Variants in ITIH5 observed in about 807,000 individuals in gnomAD.
ITIH5 encodes the protein inter-alpha-trypsin inhibitor heavy chain 5, also known as inter-alpha-trypsin inhibitor heavy chain H5.
In ITIH5, 65 loss-of-function variants were observed where a neutral mutation model predicts 77.5. The observed-to-expected ratio is 0.84, with a 90% CI of 0.69 to 1.03. The LOEUF (loss-of-function observed/expected upper bound fraction) is 1.03, where lower values mean the gene tolerates loss of function less well. ITIH5 is among the 50% of genes least tolerant of loss of function. The pLI, the probability that ITIH5 is intolerant of heterozygous loss-of-function variation, is 0.00. For missense variants in ITIH5, 1,208 were observed against 1,213.1 expected, an observed-to-expected ratio of 1.00 and a Z score of 0.06; for synonymous variants, 525 against 494.3, an observed-to-expected ratio of 1.06 and a Z score of -0.82.
At chr10:7,656,769 G>A (rs780902271) in intron 1 of ITIH5, among the ~76,000 whole-genome samples, 7 of 142,842 alleles carry the variant, frequency 4.9e-5, no homozygotes, top group South Asian at 2.2e-4. Context: ...TTTTTGAGAC[G>A]GTCTCGCTCT....
chr10:7,643,463 G>A (rs1057286565), intron 2 of ITIH5, among the ~76,000 whole-genome samples: 7 of 152,146 alleles, frequency 4.6e-5, no homozygotes, highest in African/African-American at 7.2e-5. Flanking sequence ...ACTTGAACCC[G>A]ATCCCACTTA....
rs137963563 is a variant in ITIH5, at chr10:7,636,570, T to C, written c.652+658A>G. On this transcript the variant is annotated intron_variant, in intron 5 of 13. Transcript: ENST00000397146. Reference sequence around the variant, plus strand: ...AATCGTAATTTACTAATCTCTTCCATATAATTGAATCTTTAGGCTGATGGA... The same window carrying C: ...AATCGTAATTTACTAATCTCTTCCACATAATTGAATCTTTAGGCTGATGGA... Among the ~76,000 whole-genome samples, 323 of 152,332 alleles carry C rather than the reference T, an allele frequency of 2.1e-3. 3 individuals are homozygous for C. The highest frequency in any genetic ancestry group is 0.014 in the Middle Eastern group (4 of 294).
chr10:7,576,740 C>T lies in ITIH5; in HGVS notation c.1691G>A (p.Gly564Asp), dbSNP rs376074183. ...KDVTGSPRPG[G>D]DGEGDTNHIE... The stretch of plus-strand genomic sequence containing the variant: ...GTGGTTGGTGTCCCCCTCTCCATCG[C>T]CTCCAGGCCTGGGGCTTCCTGTGAC... Residue 564 changes from glycine to aspartate, a missense_variant, in exon 10 of 14, where the codon GGC becomes GAC. By Grantham distance (94) the Gly-to-Asp change is moderately conservative. Coordinates refer to ENST00000397146, the MANE Select transcript of ITIH5 (RefSeq NM_030569.7). The T allele has an allele frequency of 5.0e-6, 8 of 1,613,870 alleles. No homozygotes were observed. Among genetic ancestry groups the T allele is most frequent in the Non-Finnish European group, 5.9e-6 (7 of 1,179,964 alleles).
chr10:7,662,364 A>G (rs1030832263), intron 1 of ITIH5, among the ~76,000 whole-genome samples: 3 of 152,052 alleles, frequency 2.0e-5, no homozygotes, highest in African/African-American at 7.2e-5. Flanking sequence ...CAAAAAAAAA[A>G]AGAGAGAGAG....
intron 1 of ITIH5, among the ~76,000 whole-genome samples, chr10:7,664,243 T>C (rs984310684): frequency 4.6e-5 from 7 of 151,698 alleles, no homozygotes; most frequent in African/African-American, 1.7e-4. Flanking sequence ...CTATTAAAAA[T>C]ACAAAAATTA....
rs144056868 is a variant in ITIH5 at position 7,566,107 on chromosome 10, G to A, written c.2450C>T (p.Ala817Val). Residue 817 changes from alanine (A) to valine (V), a missense_variant, in exon 13 of 14, where the codon GCG becomes GTG. Ala to Val is a moderately conservative substitution (Grantham distance 64). Transcript: ENST00000397146. ...VILIHLYKKP[A>V]PFQRHHLGFY... ...ACCCAGGTGGTGTCGCTGGAAGGGC[G>A]CCGGCTTTTTGTAGAGGTGGATGAG... The A allele has an allele frequency of 1.7e-5, 28 of 1,613,988 alleles. No homozygotes were observed. The highest frequency in any genetic ancestry group is 6.7e-5 in the East Asian group (3 of 44,896).
At chr10:7,634,955 TTTTA>T (rs1232547363) in intron 5 of ITIH5, among the ~76,000 whole-genome samples, 1 of 152,324 alleles carries the variant, frequency 6.6e-6, no homozygotes, top group African/African-American at 2.4e-5. Flanking sequence ...TTGCTTTTCT[TTTTA>T]TTTATTTATC....
chr10:7,570,414 G>T (rs552021462), intron 11 of ITIH5: 3 of 152,220 alleles, frequency 2.0e-5, no homozygotes, highest in Admixed American at 2.0e-4. Flanking sequence ...GGGTCACTCC[G>T]ACTTCACTGC....
intron 5 of ITIH5, 94 bp from the exon 6 acceptor site, chr10:7,617,376 A>T: frequency 2.6e-6 from 2 of 772,090 alleles, no homozygotes; most frequent in Non-Finnish European, 3.8e-6. Context: ...TTTAGATTTC[A>T]TTTTATTACA....
At position 7,631,961 on chromosome 10, in the gene ITIH5, A is replaced by ATTTTT. The variant is rs34105815; in HGVS notation, c.652+5262_652+5266dup. ...GCCACCACGCCTAGCTAATTTTTGT[A>ATTTTT]TTTTTTTTTTTTTTTTTAGTAGAAA... On this transcript the variant is annotated intron_variant, in intron 5 of 13. Transcript: ENST00000397146. Among the ~76,000 whole-genome samples the ATTTTT allele has an allele frequency of 6.4e-4, 89 of 139,492 alleles. No homozygotes were observed. The East Asian group carries it at 0.011, about 17-fold the overall frequency. The allele number at this position is 139,492 out of a possible 152,430, so 91.5% of individuals were successfully genotyped here.
intron 2 of ITIH5, among the ~76,000 whole-genome samples, chr10:7,642,566 A>T (rs931227049): frequency 6.6e-6 from 1 of 152,228 alleles, no homozygotes; most frequent in African/African-American, 2.4e-5. Context: ...GAAACGATAC[A>T]CCAGAGCTTC....
chr10:7,598,338 T>C (rs112099949), intron 7 of ITIH5, among the ~76,000 whole-genome samples: 1 of 152,212 alleles, frequency 6.6e-6, no homozygotes, highest in Non-Finnish European at 1.5e-5. Context: ...AAATATTTTT[T>C]GGAGAAATGG....
chr10:7,572,024 T>C (rs988094360), intron 11 of ITIH5: 16 of 1,011,266 alleles, frequency 1.6e-5, no homozygotes, highest in African/African-American at 8.6e-5. Flanking sequence ...CAAGGAAAGA[T>C]AGTGCTTGCT....
Position 7,628,925 on chromosome 10 carries a change from C to A in ITIH5, c.652+8303G>T, listed in dbSNP as rs1016588870. Among the ~76,000 whole-genome samples the A allele has an allele frequency of 1.6e-4, 21 of 134,568 alleles. 1 individual carries two copies. The highest frequency in any genetic ancestry group is 3.2e-4 in the Non-Finnish European group (19 of 59,946). 88.3% of individuals were successfully genotyped at this position (134,568 alleles called of 152,430 possible). On this transcript the variant is annotated intron_variant, in intron 5 of 13. Transcript: ENST00000397146. ...CATGCATCCATGTTATCATATGTAT[C>A]TGTGTTTTCACATGTGTCCATGTTG...
intron 8 of ITIH5, among the ~76,000 whole-genome samples, chr10:7,581,330 AT>A (rs1440275636): frequency 6.6e-6 from 1 of 152,176 alleles, no homozygotes; most frequent in South Asian, 2.1e-4. Flanking sequence ...GGGAAGAAAA[AT>A]TTTATCAGGA....
chr10:7,575,809 G>T (rs1832400442), intron 10 of ITIH5, among the ~76,000 whole-genome samples: 1 of 152,176 alleles, frequency 6.6e-6, no homozygotes, highest in Non-Finnish European at 1.5e-5. Context: ...ATGGGCACTG[G>T]TATGTTCATT....
At chr10:7,644,357 T>TTA (rs1833938306) in intron 2 of ITIH5, among the ~76,000 whole-genome samples, 1 of 146,888 alleles carries the variant, frequency 6.8e-6, no homozygotes, top group Non-Finnish European at 1.5e-5. Context: ...CACATATATA[T>TTA]CATATATATC....
intron 12 of ITIH5, among the ~76,000 whole-genome samples, chr10:7,566,724 TAAAAAAA>T (rs758378979): frequency 0.018 from 168 of 9,090 alleles, 2 homozygotes; most frequent in African/African-American, 0.055. Flanking sequence ...CCTATCTCAT[TAAAAAAA>T]AAAAAAAAAA....
chr10:7,584,453 G>A (rs1454066742), intron 8 of ITIH5, among the ~76,000 whole-genome samples: 7 of 151,908 alleles, frequency 4.6e-5, no homozygotes, highest in Admixed American at 2.0e-4. Flanking sequence ...ACAGGCACCC[G>A]CCACCACACC....
Sources: allele counts gnomAD v4.1 joint callset (sites outside exome capture counted in the v4.1 genomes callset), GRCh38; gene constraint gnomAD v4.1.1; transcripts MANE v1.5; gene names NCBI Gene and HGNC (gene_info 2026-07-23, HGNC 2026-07-21).